The following FAM174B variants were observed in gnomAD, a reference collection of about 807,000 sequenced individuals.
The protein encoded by FAM174B is membrane protein FAM174B.
A neutral mutation model predicts 10.9 loss-of-function variants in FAM174B; 12 were observed. That is an observed-to-expected ratio of 1.10 (90% CI 0.71 to 1.79). The LOEUF is 1.79. Ranked by LOEUF, FAM174B falls within the 40% of genes most tolerant of loss-of-function variation. The pLI is 0.00. For synonymous variants in FAM174B, 132 were observed against 115.8 expected, an observed-to-expected ratio of 1.14 and a Z score of -0.90; for missense variants, 266 against 233.3, an observed-to-expected ratio of 1.14 and a Z score of -0.91.
At chr15:92,622,078 C>T (rs1398815344) in intron 2 of FAM174B, among the ~76,000 whole-genome samples, 2 of 152,180 alleles carry the variant, frequency 1.3e-5, no homozygotes, top group Non-Finnish European at 2.9e-5. Context: ...GGAAAGCAGC[C>T]GGCAGAATCA....
intron 1 of FAM174B, among the ~76,000 whole-genome samples, chr15:92,649,868 T>C (rs763063359): frequency 6.6e-6 from 1 of 152,244 alleles, no homozygotes; most frequent in Non-Finnish European, 1.5e-5. Flanking sequence ...ACTTCTTCAC[T>C]GTGGCATATA....
At chr15:92,635,112 CTT>C (rs376903359) in intron 1 of FAM174B, among the ~76,000 whole-genome samples, 1 of 102,780 alleles carries the variant, frequency 9.7e-6, no homozygotes, top group Non-Finnish European at 2.3e-5. Flanking sequence ...CTCTCTCTCT[CTT>C]TCTCTGTCTC....
At chr15:92,624,460 C>T (rs1001325389) in intron 2 of FAM174B, among the ~76,000 whole-genome samples, 7 of 152,244 alleles carry the variant, frequency 4.6e-5, no homozygotes, top group Non-Finnish European at 8.8e-5. Flanking sequence ...CTTGAGTGTG[C>T]TTAGCAACTG....
chr15:92,630,829 T>C (rs189448086), intron 1 of FAM174B, among the ~76,000 whole-genome samples: 907 of 19,236 alleles, frequency 0.047, 148 homozygotes, highest in Middle Eastern at 0.1. Flanking sequence ...TTACATATTA[T>C]ATATTATATA....
At chr15:92,630,418 G>C in intron 1 of FAM174B, 73 bp from the exon 2 acceptor site, 2 of 1,421,906 alleles carry the variant, frequency 1.4e-6, no homozygotes, top group Non-Finnish European at 9.6e-7. Flanking sequence ...AGCCCCAGAG[G>C]ACCCGACAGC....
At chr15:92,631,469 A>T (rs142011165) in intron 1 of FAM174B, among the ~76,000 whole-genome samples, 7,844 of 53,118 alleles carry the variant, frequency 0.15, 1,047 homozygotes, top group East Asian at 0.36. Context: ...TATTATATAT[A>T]ATTTATAATA....
intron 1 of FAM174B, among the ~76,000 whole-genome samples, chr15:92,645,208 G>A (rs2050918336): frequency 1.3e-5 from 2 of 152,218 alleles, no homozygotes; most frequent in Non-Finnish European, 2.9e-5. Context: ...TGACTAAGGA[G>A]TATTGACCAT....
chr15:92,645,057 T>G (rs2050917134), intron 1 of FAM174B, among the ~76,000 whole-genome samples: 2 of 152,250 alleles, frequency 1.3e-5, no homozygotes, highest in Admixed American at 6.5e-5. Flanking sequence ...CTTGGTTCTC[T>G]GACCATGGTT....
At chr15:92,634,358 A>G (rs190358998) in intron 1 of FAM174B, 22 of 152,348 alleles carry the variant, frequency 1.4e-4, no homozygotes, top group African/African-American at 5.3e-4. Flanking sequence ...CTGGGGCAGG[A>G]CTGATGGCTG....
chr15:92,636,407 C>T (rs527884040), intron 1 of FAM174B, among the ~76,000 whole-genome samples: 38 of 152,334 alleles, frequency 2.5e-4, no homozygotes, highest in African/African-American at 8.9e-4. Flanking sequence ...ACATCTAAAG[C>T]ACGCTTCAAG....
chr15:92,630,408 A>T, intron 1 of FAM174B, 63 bp from the exon 2 acceptor site: 1 of 1,509,184 alleles, frequency 6.6e-7, no homozygotes, highest in Non-Finnish European at 9.0e-7. Context: ...CTGGGCCCCA[A>T]GCCCCAGAGG....
chr15:92,650,204 A>T (rs1298781876), intron 1 of FAM174B, among the ~76,000 whole-genome samples: 2 of 152,222 alleles, frequency 1.3e-5, no homozygotes, highest in African/African-American at 4.8e-5. Context: ...CACAATAGAG[A>T]ATTTAGGAAA....
intron 2 of FAM174B, among the ~76,000 whole-genome samples, chr15:92,625,013 G>A (rs1324016253): frequency 2.0e-5 from 3 of 152,196 alleles, no homozygotes; most frequent in Non-Finnish European, 4.4e-5. Flanking sequence ...CAAAACACAT[G>A]CAGCCGAAAC....
chr15:92,634,073 T>C (rs1012541087), intron 1 of FAM174B, among the ~76,000 whole-genome samples: 3 of 152,216 alleles, frequency 2.0e-5, no homozygotes, highest in African/African-American at 7.2e-5. Context: ...GGAGGAGAGC[T>C]TGGCTTCTGC....
chr15:92,622,067 G>C (rs1213154558), intron 2 of FAM174B, among the ~76,000 whole-genome samples: 2 of 152,182 alleles, frequency 1.3e-5, no homozygotes, highest in Non-Finnish European at 2.9e-5. Flanking sequence ...GCGGGCTCTG[G>C]GGAAAGCAGC....
In FAM174B at chr15:92,647,565, T is replaced by G. The variant is rs528207332; in HGVS notation, c.344+7751A>C. On this transcript the variant is annotated intron_variant, in intron 1 of 2. Transcript: ENST00000327355. ...CACGCCACATTATACCCCTCCCTTT[T>G]GGAGTTTAGGCACAAATGACCAGCA... is the stretch of plus-strand genomic sequence containing the variant. 9.2e-5 allele frequency among the ~76,000 whole-genome samples: 14 copies of G among 152,224 alleles called. No homozygotes were observed. The South Asian group carries it at 2.9e-3, about 32-fold the overall frequency.
intron 2 of FAM174B, among the ~76,000 whole-genome samples, chr15:92,629,783 C>T (rs552493359): frequency 2.0e-4 from 30 of 152,206 alleles, no homozygotes; most frequent in African/African-American, 4.8e-4. Flanking sequence ...GGGAGGGACT[C>T]GGTAGGTAAC....
intron 1 of FAM174B, among the ~76,000 whole-genome samples, chr15:92,645,271 G>T (rs1384669646): frequency 2.0e-5 from 3 of 152,202 alleles, no homozygotes; most frequent in Non-Finnish European, 4.4e-5. Context: ...TCCCATTGGG[G>T]TTAACCAAGT....
intron 1 of FAM174B, among the ~76,000 whole-genome samples, chr15:92,632,674 C>A (rs2050827070): frequency 6.7e-6 from 1 of 148,260 alleles, no homozygotes; most frequent in Admixed American, 6.7e-5. Context: ...CACAACCTGG[C>A]TGGGTTGTTT....
Sources: gnomAD v4.1 joint callset for allele counts (sites outside exome capture counted in the v4.1 genomes callset) on GRCh38, gnomAD v4.1.1 for gene constraint, MANE v1.5 for transcripts, NCBI Gene and HGNC (gene_info 2026-07-23, HGNC 2026-07-21) for gene names.